The following HPSE2 variants were observed in gnomAD, a reference collection of about 807,000 sequenced individuals.
HPSE2 encodes the protein heparanase 2 (inactive), also known as inactive heparanase-2.
Under a neutral mutation model 60.5 loss-of-function variants are expected in HPSE2, and 38 were observed. The ratio of observed to expected loss-of-function variants is 0.63; its 90% CI spans 0.48 to 0.82. The LOEUF (loss-of-function observed/expected upper bound fraction) is 0.82. HPSE2 is among the 40% of genes least tolerant of loss of function. The probability of loss-of-function intolerance (pLI) is 0.00; values close to 1 mark genes in which losing one functional copy is unlikely to be tolerated. For missense variants in HPSE2, 713 were observed against 740.4 expected (o/e 0.96, Z 0.43); for synonymous variants, 295 against 293.2 (o/e 1.01, Z -0.06).
At chr10:98,636,583 C>T (rs1946508359) in intron 7 of HPSE2, among the ~76,000 whole-genome samples, 1 of 152,030 alleles carries the variant, frequency 6.6e-6, no homozygotes, top group African/African-American at 2.4e-5. Flanking sequence ...ACACGTATTG[C>T]AATATCATTC....
At chr10:99,046,552 C>A (rs1957860007) in intron 3 of HPSE2, among the ~76,000 whole-genome samples, 1 of 151,988 alleles carries the variant, frequency 6.6e-6, no homozygotes, top group South Asian at 2.1e-4. Flanking sequence ...CTCTTTGCTG[C>A]CGATATGATT....
At chr10:98,761,785 G>A (rs1330879349) in intron 3 of HPSE2, among the ~76,000 whole-genome samples, 1 of 152,158 alleles carries the variant, frequency 6.6e-6, no homozygotes, top group East Asian at 1.9e-4. Flanking sequence ...TGTAATGAAG[G>A]TGAGTTTCAT....
chr10:99,037,108 C>T (rs1957627149), intron 3 of HPSE2, among the ~76,000 whole-genome samples: 1 of 152,072 alleles, frequency 6.6e-6, no homozygotes, highest in African/African-American at 2.4e-5. Flanking sequence ...CATAGGAAAA[C>T]ACTAGACAAA....
At chr10:98,490,383 G>A (rs1941602875) in intron 9 of HPSE2, among the ~76,000 whole-genome samples, 187 bp from the exon 10 acceptor site, 1 of 152,148 alleles carries the variant, frequency 6.6e-6, no homozygotes, top group Non-Finnish European at 1.5e-5. Flanking sequence ...AAACACGAAC[G>A]TGGGTTGATA....
intron 3 of HPSE2, among the ~76,000 whole-genome samples, chr10:98,845,300 G>A (rs893644928): frequency 2.0e-5 from 3 of 152,198 alleles, no homozygotes; most frequent in Admixed American, 2.0e-4. Context: ...GGATAGGTGA[G>A]CAGCCAAAAA....
the HPSE2 span, among the ~76,000 whole-genome samples, chr10:99,279,405 A>G: frequency 6.6e-6 from 1 of 152,234 alleles, no homozygotes; most frequent in Non-Finnish European, 1.5e-5. Context: ...ATAGTTCTCA[A>G]TAAAAATCAA....
At chr10:98,816,581 T>C (rs1005654164) in intron 3 of HPSE2, among the ~76,000 whole-genome samples, 1 of 152,194 alleles carries the variant, frequency 6.6e-6, no homozygotes, top group Non-Finnish European at 1.5e-5. Context: ...AATGTTTCGA[T>C]AGACTTGGAA....
At chr10:99,032,371 T>C (rs1049958113) in intron 3 of HPSE2, among the ~76,000 whole-genome samples, 5 of 152,226 alleles carry the variant, frequency 3.3e-5, no homozygotes, top group African/African-American at 1.2e-4. Context: ...AATCATACCA[T>C]CATCCAATCA....
At chr10:98,721,977 C>A in intron 4 of HPSE2, 149 bp from the exon 5 acceptor site, 1 of 728,234 alleles carries the variant, frequency 1.4e-6, no homozygotes, top group Admixed American at 2.5e-5. Flanking sequence ...ACTTAAAGAA[C>A]CACCCAAACA....
At chr10:98,742,808 C>CACAA (rs1554982795) in intron 4 of HPSE2, among the ~76,000 whole-genome samples, 18 of 151,342 alleles carry the variant, frequency 1.2e-4, no homozygotes. Context: ...CACACACACA[C>CACAA]ACACACACAC....
chr10:99,040,663 A>C (rs1313629926), intron 3 of HPSE2, among the ~76,000 whole-genome samples: 2 of 152,232 alleles, frequency 1.3e-5, no homozygotes, highest in Middle Eastern at 3.2e-3. Flanking sequence ...AAAATAAAAA[A>C]AACTTCCACA....
At chr10:99,063,443 T>C (rs1434584551) in intron 3 of HPSE2, among the ~76,000 whole-genome samples, 1 of 152,072 alleles carries the variant, frequency 6.6e-6, no homozygotes, top group Non-Finnish European at 1.5e-5. Flanking sequence ...ACTTTTCAGC[T>C]TGGCAAGAAT....
At chr10:99,211,488 G>A (rs1848951452) in intron 2 of HPSE2, among the ~76,000 whole-genome samples, 1 of 152,072 alleles carries the variant, frequency 6.6e-6, no homozygotes, top group South Asian at 2.1e-4. Flanking sequence ...AGAAAAAAAA[G>A]TATGGTACTG....
At chr10:99,059,897 T>C (rs1958196513) in intron 3 of HPSE2, among the ~76,000 whole-genome samples, 1 of 152,050 alleles carries the variant, frequency 6.6e-6, no homozygotes, top group Non-Finnish European at 1.5e-5. Flanking sequence ...AAGAGTAATA[T>C]AATAACTGCA....
chr10:98,607,377 C>A (rs1945623021), intron 9 of HPSE2, among the ~76,000 whole-genome samples: 2 of 152,122 alleles, frequency 1.3e-5, no homozygotes, highest in Non-Finnish European at 2.9e-5. Context: ...TGGCTGATGG[C>A]AGAGTGGGAT....
chr10:99,010,493 A>G (rs1031007380), intron 3 of HPSE2, among the ~76,000 whole-genome samples: 1 of 152,204 alleles, frequency 6.6e-6, no homozygotes, highest in Non-Finnish European at 1.5e-5. Context: ...AAATTTTAAG[A>G]GAGGCAGTAT....
At chr10:98,781,760 C>A (rs1157088078) in intron 3 of HPSE2, among the ~76,000 whole-genome samples, 1 of 150,474 alleles carries the variant, frequency 6.6e-6, no homozygotes, top group Non-Finnish European at 1.5e-5. Context: ...AACCCAGCAT[C>A]TACCTGAAGG....
chr10:98,767,078 T>A (rs1030692018), intron 3 of HPSE2, among the ~76,000 whole-genome samples: 6 of 152,324 alleles, frequency 3.9e-5, no homozygotes, highest in African/African-American at 1.4e-4. Flanking sequence ...TTTTAAAAAA[T>A]TCATAGCTAT....
At chr10:98,560,344 A>G (rs535907758) in intron 9 of HPSE2, among the ~76,000 whole-genome samples, 1 of 152,298 alleles carries the variant, frequency 6.6e-6, no homozygotes, top group African/African-American at 2.4e-5. Flanking sequence ...GTGTGACTGG[A>G]TGAGCTGGCT....
Sources: gnomAD v4.1 joint callset for allele counts (sites outside exome capture counted in the v4.1 genomes callset) on GRCh38, gnomAD v4.1.1 for gene constraint, MANE v1.5 for transcripts, NCBI Gene and HGNC (gene_info 2026-07-23, HGNC 2026-07-21) for gene names.